TAOK1: variants seen among roughly 807,000 people sequenced by gnomAD.
TAOK1 encodes serine/threonine-protein kinase TAO1.
Under a neutral mutation model 138.3 loss-of-function variants are expected in TAOK1, and 21 were observed. The observed-to-expected ratio is 0.15, with a 90% CI of 0.11 to 0.22. TAOK1 has a LOEUF of 0.22. Ranked by LOEUF, TAOK1 falls within the 10% of genes least tolerant of loss-of-function variation. The probability of loss-of-function intolerance (pLI) is 1.00; values close to 1 mark genes in which losing one functional copy is unlikely to be tolerated. For synonymous variants in TAOK1, 361 were observed against 398.4 expected, an observed-to-expected ratio of 0.91 and a Z score of 1.12; for missense variants, 651 against 1,227.7, an observed-to-expected ratio of 0.53 and a Z score of 7.02.
At chr17:29,397,294 C>CCCCCCCCCA (rs1904640369) in intron 1 of TAOK1, among the ~76,000 whole-genome samples, 2 of 150,228 alleles carry the variant, frequency 1.3e-5, no homozygotes, top group Non-Finnish European at 3.0e-5. Context: ...GACTCTGTCT[C>CCCCCCCCCA]AAGAAAATAA....
At chr17:29,464,411 T>G (rs2030605026) in intron 2 of TAOK1, among the ~76,000 whole-genome samples, 1 of 142,804 alleles carries the variant, frequency 7.0e-6, no homozygotes, top group Non-Finnish European at 1.5e-5. Context: ...AGCGCTGCAC[T>G]CCAGCCTGGA....
In TAOK1 at chr17:29,498,393, A is replaced by G. The variant is rs2031453201; in HGVS notation, c.1075A>G (p.Ile359Val). 6.2e-7 allele frequency: 1 copy of G among 1,614,232 alleles called. No individual in the cohort carries two copies. Among genetic ancestry groups the G allele is most frequent in the Non-Finnish European group, 8.5e-7 (1 of 1,180,036 alleles). The change falls in exon 12 of 20, where the codon ATC becomes GTC. Residue 359 changes from isoleucine (I) to valine (V), a missense_variant. This residue lies in a region of TAOK1 where 104 missense variants were observed against 151.7 expected (regional missense o/e 0.69). Coordinates refer to ENST00000261716, the MANE Select transcript of TAOK1 (RefSeq NM_020791.4). ...GSNQSIPSMS[I>V]SASSQSSSVN... is the part of the protein sequence containing the mutation. ...TAATCAATCCATTCCCAGCATGTCC[A>G]TCAGTGCCAGCAGCCAAAGCAGTAG...
chr17:29,536,902 G>A (rs1197395138), intron 19 of TAOK1, among the ~76,000 whole-genome samples: 1 of 151,822 alleles, frequency 6.6e-6, no homozygotes, highest in Non-Finnish European at 1.5e-5. Context: ...GGGTTTCACC[G>A]TGTTAGCCAG....
At position 29,421,781 on chromosome 17, in the gene TAOK1, G is replaced by T. The variant is rs980405606; in HGVS notation, c.-94-29674G>T. 7.2e-5 allele frequency among the ~76,000 whole-genome samples: 11 copies of T among 151,926 alleles called. No homozygotes were observed. The East Asian group carries it at 7.7e-4, about 11-fold the overall frequency. On this transcript the variant is annotated intron_variant, in intron 1 of 19. Coordinates refer to ENST00000261716, the MANE Select transcript of TAOK1 (RefSeq NM_020791.4). ...ACCCAGCCAGTTAAAAAATTTTTGG[G>T]GGGTAGAGATTGGGTTTTGGCATGT... is the stretch of plus-strand genomic sequence containing the variant.
rs71138814 is a variant in TAOK1 at position 29,411,088 on chromosome 17, G to GTTT, written c.-95+20083_-95+20085dup. 6.7e-3 allele frequency among the ~76,000 whole-genome samples: 631 copies of GTTT among 94,052 alleles called. 26 individuals carry two copies. Among genetic ancestry groups the GTTT allele is most frequent in the East Asian group, 8.5e-3 (28 of 3,276 alleles). 61.7% of individuals were successfully genotyped at this position (94,052 alleles called of 152,430 possible). ...CCTACAGAAGTACTTTCTTTTTACT[G>GTTT]TTTTTTTTTTTTTTTTTTTTTGAGA... On this transcript the variant is annotated intron_variant, in intron 1 of 19. Transcript: ENST00000261716.
chr17:29,410,295 A>G (rs1364705484), intron 1 of TAOK1, among the ~76,000 whole-genome samples: 3 of 152,120 alleles, frequency 2.0e-5, no homozygotes, highest in Non-Finnish European at 1.5e-5. Flanking sequence ...TTGTTGCCTA[A>G]GCTGGAGCAC....
chr17:29,427,507 G>C (rs915832997), intron 1 of TAOK1, among the ~76,000 whole-genome samples: 2 of 146,608 alleles, frequency 1.4e-5, no homozygotes, highest in African/African-American at 5.1e-5. Flanking sequence ...GACACAGGGG[G>C]ATCGCTTTGA....
At chr17:29,495,427 G>T (rs1042547179) in intron 10 of TAOK1, 133 bp from the exon 11 acceptor site, 35 of 630,152 alleles carry the variant, frequency 5.6e-5, no homozygotes, top group Middle Eastern at 3.9e-4. Flanking sequence ...ATAAATAGAA[G>T]AAATTTAACA....
intron 1 of TAOK1, among the ~76,000 whole-genome samples, chr17:29,422,860 A>T (rs762783376): frequency 2.6e-5 from 4 of 152,128 alleles, no homozygotes; most frequent in Non-Finnish European, 4.4e-5. Context: ...CCCCGTCTCT[A>T]CTAAACATGC....
intron 8 of TAOK1, among the ~76,000 whole-genome samples, chr17:29,483,617 C>G (rs559838468): frequency 1.8e-4 from 27 of 152,172 alleles, no homozygotes; most frequent in South Asian, 1.5e-3. Context: ...AAAATGTAAT[C>G]TTTAAGTATT....
intron 2 of TAOK1, among the ~76,000 whole-genome samples, chr17:29,459,173 G>T (rs992833802): frequency 1.3e-5 from 2 of 152,054 alleles, no homozygotes; most frequent in Non-Finnish European, 2.9e-5. Flanking sequence ...CCTCAGCCTG[G>T]CTTTCTTCTT....
chr17:29,466,745 T>C (rs1360074577), intron 2 of TAOK1, among the ~76,000 whole-genome samples: 1 of 152,180 alleles, frequency 6.6e-6, no homozygotes, highest in Non-Finnish European at 1.5e-5. Flanking sequence ...GTTTTACTCA[T>C]GTTATTGTCT....
At position 29,436,055 on chromosome 17, in the gene TAOK1, G is replaced by A. The variant is rs570873345; in HGVS notation, c.-94-15400G>A. On this transcript the variant is annotated intron_variant, in intron 1 of 19. Transcript: ENST00000261716. ...TGAGGCAAGGGAATCGGTTGAACCC[G>A]GGAGGCAGAGGTTGCATTGAGTTCA... is the stretch of plus-strand genomic sequence containing the variant. Among the ~76,000 whole-genome samples the A allele has an allele frequency of 7.2e-4, 110 of 152,286 alleles. 1 individual carries two copies. Among genetic ancestry groups the A allele is most frequent in the East Asian group, 1.9e-4 (1 of 5,184 alleles).
chr17:29,486,057 G>A (rs1171748338), intron 8 of TAOK1, among the ~76,000 whole-genome samples: 2 of 152,152 alleles, frequency 1.3e-5, no homozygotes, highest in Non-Finnish European at 2.9e-5. Context: ...AGGCCAAGGT[G>A]GGAAGATCGC....
chr17:29,435,496 C>T (rs1905997826), intron 1 of TAOK1, among the ~76,000 whole-genome samples: 1 of 152,178 alleles, frequency 6.6e-6, no homozygotes, highest in African/African-American at 2.4e-5. Flanking sequence ...CCCAAGGAAT[C>T]TCAGATAAGA....
At chr17:29,451,352 A>C (rs974918835) in intron 1 of TAOK1, 103 bp from the exon 2 acceptor site, 8 of 453,982 alleles carry the variant, frequency 1.8e-5, no homozygotes, top group Non-Finnish European at 2.9e-5. Context: ...TTTTCAGTGA[A>C]ATTCTAGACA....
intron 11 of TAOK1, among the ~76,000 whole-genome samples, chr17:29,497,714 C>CAAAAAA (rs373537264): frequency 2.0e-5 from 2 of 100,712 alleles, no homozygotes; most frequent in Non-Finnish European, 4.1e-5. Context: ...TATTGAAATA[C>CAAAAAA]AAAAAAAAAA....
chr17:29,508,977 G>C (rs2031672397), intron 14 of TAOK1, among the ~76,000 whole-genome samples: 1 of 152,074 alleles, frequency 6.6e-6, no homozygotes, highest in Admixed American at 6.6e-5. Context: ...GTAGTCTGCA[G>C]TGAGGCATTA....
chr17:29,435,834 G>A (rs1906012205), intron 1 of TAOK1, among the ~76,000 whole-genome samples: 3 of 152,166 alleles, frequency 2.0e-5, no homozygotes, highest in Admixed American at 1.3e-4. Flanking sequence ...ATTGCCATAA[G>A]AATACTCACA....
Sources: allele counts gnomAD v4.1 joint callset (sites outside exome capture counted in the v4.1 genomes callset), GRCh38; gene constraint gnomAD v4.1.1; regional missense constraint gnomAD v4.1.1; transcripts MANE v1.5; gene names NCBI Gene and HGNC (gene_info 2026-07-23, HGNC 2026-07-21).